Variants in CNTNAP2 observed in about 807,000 individuals in gnomAD.
CNTNAP2 encodes the protein contactin-associated protein-like 2.
CNTNAP2 carries 98 observed loss-of-function variants against 155.2 expected under a neutral mutation model. The ratio of observed to expected loss-of-function variants is 0.63; its 90% CI spans 0.54 to 0.75. CNTNAP2 has a LOEUF of 0.75. CNTNAP2 is among the 30% of genes least tolerant of loss of function. The probability of loss-of-function intolerance (pLI) is 0.00; values close to 1 mark genes in which losing one functional copy is unlikely to be tolerated. For synonymous variants in CNTNAP2, 651 were observed against 631.2 expected, an observed-to-expected ratio of 1.03 and a Z score of -0.47; for missense variants, 1,727 against 1,688.1, an observed-to-expected ratio of 1.02 and a Z score of -0.40.
At chr7:147,319,694 A>G (rs2692151) in intron 9 of CNTNAP2, among the ~76,000 whole-genome samples, 74,675 of 152,000 alleles carry the variant, frequency 0.49, 19,518 homozygotes, top group East Asian at 0.73. Flanking sequence ...AATGTTAAAT[A>G]TAGGATTTCT....
intron 1 of CNTNAP2, among the ~76,000 whole-genome samples, chr7:146,158,979 G>A (rs967717896): frequency 3.9e-5 from 6 of 152,094 alleles, no homozygotes; most frequent in African/African-American, 1.2e-4. Context: ...AAATGTTAAG[G>A]GCAGCCAGAG....
intron 14 of CNTNAP2, among the ~76,000 whole-genome samples, chr7:147,919,346 A>G (rs1232934824): frequency 1.3e-5 from 2 of 151,780 alleles, no homozygotes; most frequent in African/African-American, 4.8e-5. Context: ...CAGTGGCGCG[A>G]TCACAACTCA....
chr7:147,086,995 G>T (rs1325877475), intron 4 of CNTNAP2, among the ~76,000 whole-genome samples: 4 of 152,074 alleles, frequency 2.6e-5, no homozygotes, highest in Non-Finnish European at 5.9e-5. Flanking sequence ...GAATGTTGTG[G>T]TTTGTAGGAA....
chr7:147,828,498 G>T (rs1798495197), intron 13 of CNTNAP2, among the ~76,000 whole-genome samples: 1 of 152,028 alleles, frequency 6.6e-6, no homozygotes, highest in African/African-American at 2.4e-5. Context: ...ATCTTTTTTG[G>T]AAGTGCCACA....
intron 8 of CNTNAP2, chr7:147,146,839 A>T (rs1439345713): frequency 6.6e-6 from 1 of 152,196 alleles, no homozygotes; most frequent in African/African-American, 2.4e-5. Context: ...AAAGTGCTTT[A>T]GTGTTTTGCA....
At chr7:148,247,638 TA>T in intron 20 of CNTNAP2, among the ~76,000 whole-genome samples, 2 of 142,684 alleles carry the variant, frequency 1.4e-5, no homozygotes, top group African/African-American at 5.6e-5. Flanking sequence ...TTTATTTATT[TA>T]TTTATTTATT....
At chr7:146,423,621 T>C (rs1796045593) in intron 1 of CNTNAP2, among the ~76,000 whole-genome samples, 1 of 152,196 alleles carries the variant, frequency 6.6e-6, no homozygotes, top group Admixed American at 6.6e-5. Context: ...CAGTAACATA[T>C]GAGAGGAATG....
At chr7:146,935,606 A>C (rs1796897935) in intron 3 of CNTNAP2, among the ~76,000 whole-genome samples, 3 of 152,206 alleles carry the variant, frequency 2.0e-5, no homozygotes, top group Admixed American at 2.0e-4. Context: ...CTGTCTAGCA[A>C]ACTCTACTTT....
At chr7:146,790,034 A>AT (rs984972786) in intron 2 of CNTNAP2, among the ~76,000 whole-genome samples, 4 of 152,004 alleles carry the variant, frequency 2.6e-5, no homozygotes, top group African/African-American at 9.7e-5. Context: ...GCATTGTGAC[A>AT]TTTTGCCTTT....
chr7:147,854,873 A>G (rs1799010432), intron 13 of CNTNAP2, among the ~76,000 whole-genome samples: 1 of 152,224 alleles, frequency 6.6e-6, no homozygotes, highest in Non-Finnish European at 1.5e-5. Context: ...AATTAATTCC[A>G]TTAAAATGAA....
At chr7:147,253,185 A>C (rs1233218714) in intron 8 of CNTNAP2, among the ~76,000 whole-genome samples, 1 of 152,112 alleles carries the variant, frequency 6.6e-6, no homozygotes, top group Non-Finnish European at 1.5e-5. Flanking sequence ...CATTTCTGTT[A>C]CGGTCCTCGG....
At chr7:146,413,931 A>AT (rs1374200641) in intron 1 of CNTNAP2, among the ~76,000 whole-genome samples, 1 of 152,178 alleles carries the variant, frequency 6.6e-6, no homozygotes, top group African/African-American at 2.4e-5. Flanking sequence ...GAATTAGAGT[A>AT]TTAACGACCT....
At chr7:147,983,726 TAA>T (rs1326065550) in intron 15 of CNTNAP2, among the ~76,000 whole-genome samples, 1 of 152,226 alleles carries the variant, frequency 6.6e-6, no homozygotes, top group African/African-American at 2.4e-5. Flanking sequence ...TTAAAAGAGT[TAA>T]GTTATTATCT....
In CNTNAP2 at chr7:146,625,737, T is replaced by A. The variant is rs1465595898; in HGVS notation, c.98-148534T>A. Among the ~76,000 whole-genome samples the A allele has an allele frequency of 2.0e-5, 3 of 152,084 alleles. No homozygotes were observed. The East Asian group carries it at 5.8e-4, about 29-fold the overall frequency. On this transcript the variant is annotated intron_variant, in intron 1 of 23. Coordinates refer to ENST00000361727, the MANE Select transcript of CNTNAP2 (RefSeq NM_014141.6). Reference sequence around the variant, plus strand: ...CAAAAGGTTGGTTTTCAAAAGACCATGTTTTTTTAATTTCAGAAAAATACG... The same window carrying A: ...CAAAAGGTTGGTTTTCAAAAGACCAAGTTTTTTTAATTTCAGAAAAATACG...
In CNTNAP2 at chr7:148,132,152, AAC is replaced by A. The variant is rs369273881; in HGVS notation, c.2554+13866_2554+13867del. Among the ~76,000 whole-genome samples, 672 of 152,258 alleles carry A rather than the reference AAC, an allele frequency of 4.4e-3. 9 individuals are homozygous for A. The highest frequency in any genetic ancestry group is 0.016 in the African/African-American group (646 of 41,564). ...ATGTTTTAAAGCAACAAGAAATAAA[AAC>A]AGTTTGTTATAAATGAAAATTTTCA... On this transcript the variant is annotated intron_variant, in intron 16 of 23. Transcript: ENST00000361727.
intron 14 of CNTNAP2, among the ~76,000 whole-genome samples, chr7:147,974,828 T>G (rs975202101): frequency 1.3e-5 from 2 of 152,050 alleles, no homozygotes; most frequent in Admixed American, 6.6e-5. Context: ...ATGCTTGACA[T>G]AAATGAAGGC....
chr7:147,881,338 T>C (rs1409091251), intron 13 of CNTNAP2, among the ~76,000 whole-genome samples: 2 of 152,180 alleles, frequency 1.3e-5, no homozygotes, highest in African/African-American at 4.8e-5. Flanking sequence ...TAGACTTATG[T>C]GGCATTAGCA....
intron 19 of CNTNAP2, among the ~76,000 whole-genome samples, chr7:148,228,917 G>C (rs1795909644): frequency 6.6e-6 from 1 of 151,724 alleles, no homozygotes; most frequent in Admixed American, 6.6e-5. Flanking sequence ...GACGGGGTGA[G>C]AACATCCCTG....
chr7:146,295,584 A>C (rs533575252), intron 1 of CNTNAP2, among the ~76,000 whole-genome samples: 1 of 152,150 alleles, frequency 6.6e-6, no homozygotes, highest in Non-Finnish European at 1.5e-5. Flanking sequence ...ACCCATTAAA[A>C]TATTTTTTCT....
Sources: allele counts gnomAD v4.1 joint callset (sites outside exome capture counted in the v4.1 genomes callset), GRCh38; gene constraint gnomAD v4.1.1; transcripts MANE v1.5; gene names NCBI Gene and HGNC (gene_info 2026-07-23, HGNC 2026-07-21).